The following CHIC2 variants were observed in gnomAD, a reference collection of about 807,000 sequenced individuals.
CHIC2 encodes cysteine-rich hydrophobic domain-containing protein 2.
Under a neutral mutation model 25.9 loss-of-function variants are expected in CHIC2, and 14 were observed. That is an observed-to-expected ratio of 0.54 (90% CI 0.36 to 0.85). The LOEUF (loss-of-function observed/expected upper bound fraction) is 0.85, where lower values mean the gene tolerates loss of function less well. Ranked by LOEUF, CHIC2 falls within the 40% of genes least tolerant of loss-of-function variation. The probability of loss-of-function intolerance (pLI) is 0.01; values close to 1 mark genes in which losing one functional copy is unlikely to be tolerated. For missense variants in CHIC2, 146 were observed against 202.0 expected (o/e 0.72, Z 1.68); for synonymous variants, 70 against 72.0 (o/e 0.97, Z 0.14).
chr4:54,044,609 G>A (rs1052913858), intron 3 of CHIC2, among the ~76,000 whole-genome samples: 75 of 151,984 alleles, frequency 4.9e-4, no homozygotes, highest in Non-Finnish European at 9.7e-4. Context: ...TGAGAACAAA[G>A]ACACAACATA....
chr4:54,079,358 GA>G, the CHIC2 span, among the ~76,000 whole-genome samples: 1 of 151,686 alleles, frequency 6.6e-6, no homozygotes, highest in East Asian at 1.9e-4. Flanking sequence ...TATTGGCAAT[GA>G]TTTTTTTTGG....
chr4:54,088,293 G>A, the CHIC2 span, among the ~76,000 whole-genome samples: 8 of 152,030 alleles, frequency 5.3e-5, no homozygotes, highest in African/African-American at 1.7e-4. Flanking sequence ...AAGGGTGGTC[G>A]TTTGTTTCAT....
At chr4:54,023,916 ACT>A (rs1299179291) in intron 3 of CHIC2, among the ~76,000 whole-genome samples, 2 of 151,932 alleles carry the variant, frequency 1.3e-5, no homozygotes, top group Non-Finnish European at 2.9e-5. Context: ...TTTAATAAAA[ACT>A]CTTCTCAAGG....
At chr4:54,033,162 T>C (rs529389089) in intron 3 of CHIC2, among the ~76,000 whole-genome samples, 62 of 152,336 alleles carry the variant, frequency 4.1e-4, no homozygotes, top group African/African-American at 1.5e-3. Flanking sequence ...AACCTCTTCA[T>C]TATAAATTAT....
chr4:54,020,264 C>A (rs1715859376), intron 3 of CHIC2, among the ~76,000 whole-genome samples: 1 of 152,128 alleles, frequency 6.6e-6, no homozygotes, highest in South Asian at 2.1e-4. Context: ...ATCGCCCCCA[C>A]CCTTAAGAAG....
At chr4:54,069,510 C>A (rs1385073499), upstream of CHIC2, among the ~76,000 whole-genome samples, 1 of 152,204 alleles carries the variant, frequency 6.6e-6, no homozygotes, top group African/African-American at 2.4e-5. Flanking sequence ...AGCTGTCTGG[C>A]AGCTCTCAGA....
At chr4:54,023,992 G>A (rs1052450788) in intron 3 of CHIC2, among the ~76,000 whole-genome samples, 5 of 152,154 alleles carry the variant, frequency 3.3e-5, no homozygotes, top group Admixed American at 2.6e-4. Context: ...AAAGGTGTCA[G>A]ATCTCATCGT....
intron 5 of CHIC2, among the ~76,000 whole-genome samples, chr4:54,010,743 T>C (rs1376397279): frequency 6.6e-6 from 1 of 152,112 alleles, no homozygotes; most frequent in African/African-American, 2.4e-5. Flanking sequence ...CATTTTTCTT[T>C]AGACTTTCTC....
chr4:54,048,233 G>A (rs759472537), intron 3 of CHIC2, among the ~76,000 whole-genome samples: 10 of 152,078 alleles, frequency 6.6e-5, no homozygotes, highest in African/African-American at 1.7e-4. Flanking sequence ...CAAGTGATCC[G>A]CCCGCCTTGG....
In CHIC2 at chr4:54,061,098, TG is replaced by T. The variant is rs1441657192; in HGVS notation, c.119+3083del. The T allele has an allele frequency of 7.2e-5, 11 of 152,078 alleles. No homozygotes were observed. The South Asian group carries it at 1.5e-3, about 20-fold the overall frequency. The allele number at this position is 152,078 out of a possible 1,614,324, so 9.4% of individuals were successfully genotyped here. A position where few individuals can be genotyped will look rare whatever the true frequency, so the allele number is the denominator to read the frequency against. ...AGAAGTATAAAAAGTAAGTCTGATT[TG>T]GGGGTCACGATGAAAACATTTGTAT... On this transcript the variant is annotated intron_variant, in intron 1 of 5. Transcript: ENST00000263921.
At chr4:54,031,792 G>A (rs1418635632) in intron 3 of CHIC2, among the ~76,000 whole-genome samples, 3 of 151,856 alleles carry the variant, frequency 2.0e-5, no homozygotes, top group African/African-American at 4.8e-5. Context: ...GCTAATTTTT[G>A]TATTTTTAGT....
chr4:54,035,541 A>G (rs1002204551), intron 3 of CHIC2, among the ~76,000 whole-genome samples: 2 of 152,122 alleles, frequency 1.3e-5, no homozygotes, highest in Non-Finnish European at 2.9e-5. Context: ...TTCATTAATC[A>G]TTCTTTTACT....
At position 54,009,974 on chromosome 4, in the gene CHIC2, AAAC is replaced by A; in HGVS notation, c.*118_*120del. 1 of 602,168 alleles carries A rather than the reference AAAC, an allele frequency of 1.7e-6. No individual in the cohort carries two copies. Among genetic ancestry groups the A allele is most frequent in the East Asian group, 3.1e-5 (1 of 32,072 alleles). 37.3% of individuals were successfully genotyped at this position (602,168 alleles called of 1,614,324 possible). A position where few individuals can be genotyped will look rare whatever the true frequency, so the allele number is the denominator to read the frequency against. On this transcript the variant is annotated 3_prime_UTR_variant, in exon 6 of 6. Transcript: ENST00000263921. ...TTATTTAAAAAAAAAACAAAAACAA[AAAC>A]AAAAAAAACACCACACGATTCTGTA...
the CHIC2 span, among the ~76,000 whole-genome samples, chr4:54,090,499 T>A: frequency 7.2e-5 from 11 of 152,140 alleles, no homozygotes; most frequent in African/African-American, 2.7e-4. Flanking sequence ...TTAACCTAAA[T>A]CCAGAAATAA....
At chr4:54,015,006 G>GA (rs1168101346) in intron 3 of CHIC2, among the ~76,000 whole-genome samples, 2 of 152,122 alleles carry the variant, frequency 1.3e-5, no homozygotes, top group Non-Finnish European at 2.9e-5. Flanking sequence ...AATCAAATAT[G>GA]AAAATTTGCG....
intron 3 of CHIC2, 64 bp downstream of exon 3, chr4:54,048,891 T>C (rs1161266631): frequency 1.5e-6 from 2 of 1,316,086 alleles, no homozygotes; most frequent in Non-Finnish European, 2.0e-6. Flanking sequence ...AAATAAAAAC[T>C]AGATAAATGC....
intron 3 of CHIC2, among the ~76,000 whole-genome samples, chr4:54,037,792 A>G (rs190809095): frequency 2.1e-4 from 32 of 152,284 alleles, no homozygotes; most frequent in Admixed American, 1.2e-3. Flanking sequence ...GAGGTTAAAC[A>G]AACTTCTTGA....
At chr4:54,026,145 G>C (rs920813235) in intron 3 of CHIC2, among the ~76,000 whole-genome samples, 1 of 152,142 alleles carries the variant, frequency 6.6e-6, no homozygotes, top group Non-Finnish European at 1.5e-5. Flanking sequence ...ATGGAGCTCG[G>C]ATCTGAAACC....
the CHIC2 span, chr4:54,087,468 T>C: frequency 1.2e-6 from 1 of 800,464 alleles, no homozygotes; most frequent in Admixed American, 3.0e-5. Flanking sequence ...AATGAAATTG[T>C]GACAAGAATA....
Sources: allele counts gnomAD v4.1 joint callset (sites outside exome capture counted in the v4.1 genomes callset), GRCh38; gene constraint gnomAD v4.1.1; transcripts MANE v1.5; gene names NCBI Gene and HGNC (gene_info 2026-07-23, HGNC 2026-07-21).